The following TEX9 variants were observed in gnomAD, a reference collection of about 807,000 sequenced individuals.
TEX9 encodes testis expressed 9, also known as testis-expressed protein 9.
In TEX9, 74 loss-of-function variants were observed where a neutral mutation model predicts 59.6. The ratio of observed to expected loss-of-function variants is 1.24; its 90% CI spans 1.03 to 1.51. TEX9 has a LOEUF of 1.51. TEX9 is among the 40% of genes most tolerant of loss of function. The probability of loss-of-function intolerance (pLI) is 0.00; values close to 1 mark genes in which losing one functional copy is unlikely to be tolerated. For missense variants in TEX9, 522 were observed against 447.8 expected, an observed-to-expected ratio of 1.17 and a Z score of -1.49; for synonymous variants, 186 against 152.2, an observed-to-expected ratio of 1.22 and a Z score of -1.64.
intron 1 of TEX9, among the ~76,000 whole-genome samples, chr15:56,297,452 C>T (rs1043479486): frequency 1.7e-4 from 26 of 152,228 alleles, no homozygotes; most frequent in African/African-American, 6.3e-4. Flanking sequence ...TTGACAATAA[C>T]AGCAAATGTT....
chr15:56,373,379 TGAA>T, intron 2 of TEX9, 59 bp from the exon 3 acceptor site: 1 of 1,500,850 alleles, frequency 6.7e-7, no homozygotes, highest in Non-Finnish European at 9.0e-7. Context: ...GTGTAATTGC[TGAA>T]GTTTATTTTT....
At chr15:56,248,542 G>A (rs949945906) in intron 1 of TEX9, among the ~76,000 whole-genome samples, 1 of 152,190 alleles carries the variant, frequency 6.6e-6, no homozygotes, top group Admixed American at 6.5e-5. Context: ...TGAGTAGTAT[G>A]ATGAAACAAA....
At chr15:56,365,169 G>C (rs1373720783), upstream of TEX9, among the ~76,000 whole-genome samples, 1 of 152,198 alleles carries the variant, frequency 6.6e-6, no homozygotes, top group Non-Finnish European at 1.5e-5. Flanking sequence ...TAGAGTAGCG[G>C]CAAAGGACCT....
exon 9 of TEX9, chr15:56,394,725 A>G: frequency 6.2e-7 from 1 of 1,610,996 alleles, no homozygotes; most frequent in South Asian, 1.1e-5. Flanking sequence ...ATGAGACAGC[A>G]GCGAACAATT....
At chr15:56,365,063 A>C (rs1438919424), upstream of TEX9, among the ~76,000 whole-genome samples, 1 of 152,178 alleles carries the variant, frequency 6.6e-6, no homozygotes, top group Admixed American at 6.5e-5. Context: ...ATTCCACTGA[A>C]GAGCTCACTT....
chr15:56,244,471 CT>C (rs1325148748), intron 1 of TEX9, among the ~76,000 whole-genome samples: 2 of 152,184 alleles, frequency 1.3e-5, no homozygotes, highest in African/African-American at 4.8e-5. Flanking sequence ...CTCCATCCCC[CT>C]GCAAGAACTC....
chr15:56,340,766 T>C (rs1266264885), intron 1 of TEX9, among the ~76,000 whole-genome samples: 1 of 152,230 alleles, frequency 6.6e-6, no homozygotes, highest in Non-Finnish European at 1.5e-5. Flanking sequence ...TTTATCGTGC[T>C]GTGATTTGAC....
chr15:56,456,029 C>T, the TEX9 span, among the ~76,000 whole-genome samples: 1 of 152,042 alleles, frequency 6.6e-6, no homozygotes, highest in South Asian at 2.1e-4. Flanking sequence ...AACACAGGCT[C>T]CACAGTCATT....
At chr15:56,352,945 T>C (rs2046612403) in intron 1 of TEX9, among the ~76,000 whole-genome samples, 1 of 152,222 alleles carries the variant, frequency 6.6e-6, no homozygotes, top group Admixed American at 6.5e-5. Context: ...CTTCTCCATC[T>C]TCTCTCCCAC....
intron 12 of TEX9, chr15:56,443,558 C>T (rs374001037): frequency 1.0e-4 from 157 of 1,573,404 alleles, no homozygotes; most frequent in Non-Finnish European, 1.3e-4. Context: ...TTTTAAAAAA[C>T]ATAAATATTT....
upstream of TEX9, among the ~76,000 whole-genome samples, chr15:56,364,759 C>G (rs973726985): frequency 1.3e-5 from 2 of 152,194 alleles, no homozygotes; most frequent in African/African-American, 2.4e-5. Flanking sequence ...TACATCATAT[C>G]ACGGTTTATT....
chr15:56,319,925 A>T (rs1428202459), intron 1 of TEX9, among the ~76,000 whole-genome samples: 1 of 152,230 alleles, frequency 6.6e-6, no homozygotes, highest in Non-Finnish European at 1.5e-5. Flanking sequence ...CCATGTCAAA[A>T]CATGGTATAT....
intron 1 of TEX9, among the ~76,000 whole-genome samples, chr15:56,311,437 T>G (rs1349645353): frequency 7.3e-6 from 1 of 136,170 alleles, no homozygotes; most frequent in East Asian, 2.2e-4. Flanking sequence ...AATGATGATT[T>G]CCAGTTTCAT....
chr15:56,439,179 G>A (rs544245435), intron 12 of TEX9, among the ~76,000 whole-genome samples: 6 of 152,042 alleles, frequency 3.9e-5, no homozygotes, highest in Non-Finnish European at 7.4e-5. Flanking sequence ...TTCCATTTAC[G>A]ATTGCTCAAA....
chr15:56,327,046 A>G (rs548836741), intron 1 of TEX9, among the ~76,000 whole-genome samples: 2 of 152,350 alleles, frequency 1.3e-5, no homozygotes, highest in South Asian at 4.1e-4. Flanking sequence ...GAAATAAAAA[A>G]TCATTATCAA....
intron 12 of TEX9, chr15:56,433,998 T>G (rs1383399111): frequency 1.1e-5 from 10 of 901,078 alleles, no homozygotes; most frequent in Non-Finnish European, 1.6e-5. Context: ...GCAAAAATGG[T>G]CAGAAAATTT....
intron 10 of TEX9, chr15:56,421,897 T>C (rs1209116949): frequency 6.6e-6 from 1 of 151,672 alleles, no homozygotes; most frequent in African/African-American, 2.4e-5. Context: ...TCCAACTCTT[T>C]GCTATTGTGA....
intron 1 of TEX9, among the ~76,000 whole-genome samples, chr15:56,317,178 C>G (rs544193184): frequency 2.0e-5 from 3 of 152,214 alleles, no homozygotes; most frequent in Non-Finnish European, 4.4e-5. Flanking sequence ...CTCCTCCCCC[C>G]TTGTGGGAAG....
exon 9 of TEX9, chr15:56,394,799 G>A (rs774078822): frequency 6.2e-7 from 1 of 1,612,830 alleles, no homozygotes; most frequent in Non-Finnish European, 8.5e-7. Flanking sequence ...CAAAAAGTAT[G>A]ATGGATTACA....
Sources: gnomAD v4.1 joint callset for allele counts (sites outside exome capture counted in the v4.1 genomes callset) on GRCh38, gnomAD v4.1.1 for gene constraint, MANE v1.5 for transcripts, NCBI Gene and HGNC (gene_info 2026-07-23, HGNC 2026-07-21) for gene names.